APBA1: variants seen among roughly 807,000 people sequenced by gnomAD.
The protein encoded by APBA1 is amyloid beta precursor protein binding family A member 1, also known as amyloid-beta A4 precursor protein-binding family A member 1.
Under a neutral mutation model 86.6 loss-of-function variants are expected in APBA1, and 55 were observed. That is an observed-to-expected ratio of 0.64 (90% confidence interval 0.51 to 0.80). The LOEUF (loss-of-function observed/expected upper bound fraction) is 0.80. Ranked by LOEUF, APBA1 falls within the 30% of genes least tolerant of loss-of-function variation. APBA1 has a pLI of 0.00. For missense variants in APBA1, 1,090 were observed against 1,183.0 expected (o/e 0.92, Z 1.15); for synonymous variants, 511 against 493.9 (o/e 1.03, Z -0.46).
chr9:69,451,476 C>T (rs1835007703), intron 9 of APBA1, among the ~76,000 whole-genome samples: 1 of 152,190 alleles, frequency 6.6e-6, no homozygotes, highest in Non-Finnish European at 1.5e-5. Flanking sequence ...GATCTCAGGC[C>T]CATCTATCTC....
intron 1 of APBA1, among the ~76,000 whole-genome samples, chr9:69,590,343 C>T (rs1822106463): frequency 6.6e-6 from 1 of 152,138 alleles, no homozygotes; most frequent in Non-Finnish European, 1.5e-5. Context: ...GGCGAGGAAA[C>T]AGTATCCTGT....
Position 69,506,215 on chromosome 9 carries a change from C to T in APBA1, c.1200+9796G>A, listed in dbSNP as rs530891106. Among the ~76,000 whole-genome samples the T allele has an allele frequency of 3.4e-4, 51 of 151,762 alleles. No individual in the cohort carries two copies. The East Asian group carries it at 8.4e-3, about 25-fold the overall frequency. On this transcript the variant is annotated intron_variant, in intron 2 of 12. Transcript: ENST00000265381. ...GGCGCAGGTCAGTGGGTGCGCGCACCGTGCGCGAGCCAAAGCAGGGCGAGG... is the reference window on the plus strand; with the variant it reads ...GGCGCAGGTCAGTGGGTGCGCGCACTGTGCGCGAGCCAAAGCAGGGCGAGG...
intron 1 of APBA1, among the ~76,000 whole-genome samples, chr9:69,586,391 C>T (rs1056422515): frequency 3.9e-5 from 6 of 152,146 alleles, no homozygotes; most frequent in Admixed American, 1.3e-4. Context: ...TAGCACATCA[C>T]GGTCTCAACA....
intron 1 of APBA1, among the ~76,000 whole-genome samples, chr9:69,524,592 C>T (rs1836313650): frequency 6.7e-6 from 1 of 149,408 alleles, no homozygotes; most frequent in Non-Finnish European, 1.5e-5. Context: ...CAAAAAAAAA[C>T]AAAAACCTAC....
At chr9:69,442,690 A>G (rs1002303665) in intron 10 of APBA1, among the ~76,000 whole-genome samples, 11 of 152,230 alleles carry the variant, frequency 7.2e-5, no homozygotes, top group Admixed American at 2.0e-4. Flanking sequence ...CAAGAAAAGC[A>G]TGCATGAAGG....
Position 69,430,717 on chromosome 9 carries a change from G to C in APBA1, c.*610C>G, listed in dbSNP as rs1419355024. On this transcript the variant is annotated 3_prime_UTR_variant, in exon 13 of 13. Transcript: ENST00000265381. ...GCAGTTATTTCCCCTTTTATCCTGG[G>C]GTGAGAAGGCTCGTATTAGAAAACA... 6.6e-6 allele frequency: 1 copy of C among 152,470 alleles called. No homozygotes were observed. The highest frequency in any genetic ancestry group is 6.6e-5 in the Admixed American group (1 of 15,256). The allele number at this position is 152,470 out of a possible 1,614,324, so 9.4% of individuals were successfully genotyped here.
chr9:69,669,994 G>C (rs962435219), intron 1 of APBA1, among the ~76,000 whole-genome samples: 1 of 152,034 alleles, frequency 6.6e-6, no homozygotes, highest in Non-Finnish European at 1.5e-5. Context: ...CTCTTAGAAT[G>C]GCTTTTAAAT....
chr9:69,576,548 C>T (rs1821801180), intron 1 of APBA1, among the ~76,000 whole-genome samples: 1 of 152,194 alleles, frequency 6.6e-6, no homozygotes, highest in Non-Finnish European at 1.5e-5. Context: ...GAGTTCATGT[C>T]TTTTGTAGGG....
At chr9:69,448,018 C>G (rs578204502) in intron 10 of APBA1, among the ~76,000 whole-genome samples, 15 of 152,206 alleles carry the variant, frequency 9.9e-5, no homozygotes, top group African/African-American at 1.7e-4. Context: ...GCCCCACCCC[C>G]CCGCTTGCCT....
rs997473538 is a variant in APBA1, at chr9:69,515,947, C to T, written c.1200+64G>A. On this transcript the variant is annotated intron_variant, in intron 2 of 12. Transcript: ENST00000265381. ...GTCACTACCCAAGGGCACACAAGGC[C>T]ATGGGGCGCCATCTTCCCTCCCACC... The T allele has an allele frequency of 4.1e-6, 6 of 1,462,472 alleles. No homozygotes were observed. The East Asian group carries it at 1.0e-4, about 25-fold the overall frequency. The allele number at this position is 1,462,472 out of a possible 1,614,324, so 90.6% of individuals were successfully genotyped here. A position where few individuals can be genotyped will look rare whatever the true frequency, so the allele number is the denominator to read the frequency against.
At position 69,517,174 on chromosome 9, in the gene APBA1, T is replaced by TCACCTC; in HGVS notation, c.31_36dup (p.Glu11_Val12dup). The TCACCTC allele has an allele frequency of 6.4e-7, 1 of 1,553,978 alleles. No individual in the cohort carries two copies. The highest frequency in any genetic ancestry group is 8.7e-7 in the Non-Finnish European group (1 of 1,150,750). On this transcript the variant is annotated inframe_insertion, in exon 2 of 13. Coordinates refer to ENST00000265381, the MANE Select transcript of APBA1 (RefSeq NM_001163.4). The stretch of plus-strand genomic sequence containing the variant: ...ACCTCCCCACCTGCCGCCTCGTCGG[T>TCACCTC]CACCTCCACCTCCGCAGACCCCTCC...
chr9:69,639,299 A>G (rs555933846), intron 1 of APBA1, among the ~76,000 whole-genome samples: 11 of 152,306 alleles, frequency 7.2e-5, no homozygotes, highest in Admixed American at 2.0e-4. Flanking sequence ...CTTGTGAAGC[A>G]TTTTATCTTA....
chr9:69,446,672 G>A (rs1395292835), intron 10 of APBA1, among the ~76,000 whole-genome samples: 2 of 152,186 alleles, frequency 1.3e-5, no homozygotes, highest in Non-Finnish European at 2.9e-5. Context: ...CGCAGATAAG[G>A]AAGGAGCGAT....
At chr9:69,519,021 C>T (rs763242944) in intron 1 of APBA1, among the ~76,000 whole-genome samples, 5 of 152,212 alleles carry the variant, frequency 3.3e-5, no homozygotes, top group Non-Finnish European at 7.3e-5. Context: ...TTTATTGCTT[C>T]GCTACTTGAC....
chr9:69,548,796 T>C (rs559986034), intron 1 of APBA1, among the ~76,000 whole-genome samples: 8 of 152,382 alleles, frequency 5.2e-5, no homozygotes, highest in African/African-American at 1.9e-4. Context: ...GCTCATTAAC[T>C]GGTTGCAATG....
At chr9:69,666,664 T>C (rs1823846382) in intron 1 of APBA1, among the ~76,000 whole-genome samples, 1 of 152,132 alleles carries the variant, frequency 6.6e-6, no homozygotes, top group Non-Finnish European at 1.5e-5. Flanking sequence ...ACAGTTGAAG[T>C]TCCATAAACT....
chr9:69,477,280 G>A lies in APBA1; in HGVS notation c.1201-1137C>T, dbSNP rs10115310. On this transcript the variant is annotated intron_variant, in intron 2 of 12. Transcript: ENST00000265381. Reference sequence around the variant, plus strand: ...TGGGTGCGCGCACCGTGCGCCAGCCGAAGCAGGGCGAGGCATTTCCTCACT... The same window carrying A: ...TGGGTGCGCGCACCGTGCGCCAGCCAAAGCAGGGCGAGGCATTTCCTCACT... Among the ~76,000 whole-genome samples the A allele has an allele frequency of 1.1e-3, 156 of 148,344 alleles. 1 individual carries two copies. Among genetic ancestry groups the A allele is most frequent in the South Asian group, 6.2e-3 (29 of 4,656 alleles).
At chr9:69,471,610 G>A in intron 4 of APBA1, 46 bp downstream of exon 4, 1 of 1,548,424 alleles carries the variant, frequency 6.5e-7, no homozygotes, top group Non-Finnish European at 8.9e-7. Flanking sequence ...AATGCTAAAA[G>A]ATTCATGAAT....
At chr9:69,483,865 C>T (rs1238799094) in intron 2 of APBA1, among the ~76,000 whole-genome samples, 1 of 152,066 alleles carries the variant, frequency 6.6e-6, no homozygotes. Flanking sequence ...GCCCCACATG[C>T]CTTCAAGAAG....
Sources: allele counts gnomAD v4.1 joint callset (sites outside exome capture counted in the v4.1 genomes callset), GRCh38; gene constraint gnomAD v4.1.1; transcripts MANE v1.5; gene names NCBI Gene and HGNC (gene_info 2026-07-23, HGNC 2026-07-21).